PUS7: variants seen among roughly 807,000 people sequenced by gnomAD.
PUS7 encodes pseudouridine synthase 7.
In PUS7, 48 loss-of-function variants were observed where a neutral mutation model predicts 79.8. The observed-to-expected ratio is 0.60, with a 90% CI of 0.48 to 0.76. PUS7 has a LOEUF of 0.76. PUS7 is among the 30% of genes least tolerant of loss of function. PUS7 has a pLI of 0.00. For missense variants in PUS7, 729 were observed against 797.6 expected (o/e 0.91, Z 1.04); for synonymous variants, 286 against 272.2 (o/e 1.05, Z -0.50).
chr7:105,518,615 G>A (rs1169198413), intron 1 of PUS7, among the ~76,000 whole-genome samples: 1 of 152,048 alleles, frequency 6.6e-6, no homozygotes, highest in Non-Finnish European at 1.5e-5. Context: ...TTGCCCACTA[G>A]TCTCAAACTC....
chr7:105,511,013 T>C (rs569137042), intron 1 of PUS7, among the ~76,000 whole-genome samples: 6 of 151,758 alleles, frequency 4.0e-5, no homozygotes, highest in Non-Finnish European at 5.9e-5. Context: ...AAAATAATAA[T>C]GATGATTAAC....
At position 105,502,548 on chromosome 7, in the gene PUS7, T is replaced by C. The variant is rs1024573362; in HGVS notation, c.602A>G (p.Lys201Arg). 1.2e-6 allele frequency: 2 copies of C among 1,614,132 alleles called. No individual in the cohort carries two copies. Among genetic ancestry groups the C allele is most frequent in the Non-Finnish European group, 8.5e-7 (1 of 1,180,000 alleles). Residue 201 changes from lysine (K) to arginine (R), a missense_variant, in exon 5 of 16, where the codon AAA becomes AGA. Coordinates refer to ENST00000469408, the MANE Select transcript of PUS7 (RefSeq NM_019042.5). ...SVAIEVIEDT[K>R]EKRTIIHQAI... ...CTGATGGATGATGGTTCTTTTCTCT[T>C]TGGTGTCCTCGATAACCTATTAAAA...
intron 9 of PUS7, among the ~76,000 whole-genome samples, chr7:105,472,916 G>A (rs1010381345): frequency 5.8e-5 from 8 of 138,410 alleles, no homozygotes; most frequent in Admixed American, 5.1e-4. Context: ...ACCTTGCCCA[G>A]CTACTTTTTT....
chr7:105,518,022 C>T (rs1825960429), intron 1 of PUS7, among the ~76,000 whole-genome samples: 1 of 152,006 alleles, frequency 6.6e-6, no homozygotes. Context: ...GTGGTGTGGC[C>T]CTGTAATCCC....
rs563887898 is a variant in PUS7, at chr7:105,514,538, A to G, written c.-32-5994T>C. ...AGAATGGCGTGAACCCGGGAGGCCG[A>G]GCTTGCAGTGAGCCGAGATCGCGCC... On this transcript the variant is annotated intron_variant, in intron 1 of 15. Transcript: ENST00000469408. 2.1e-3 allele frequency among the ~76,000 whole-genome samples: 324 copies of G among 151,532 alleles called. 7 individuals carry two copies. The highest frequency in any genetic ancestry group is 0.021 in the Admixed American group (318 of 15,168).
chr7:105,521,166 T>C (rs1308046323), intron 1 of PUS7, among the ~76,000 whole-genome samples: 1 of 150,224 alleles, frequency 6.7e-6, no homozygotes, highest in African/African-American at 2.4e-5. Context: ...GACAGATCCC[T>C]CAATAGTCGA....
chr7:105,508,729 A>G (rs1706888), intron 1 of PUS7, among the ~76,000 whole-genome samples, 185 bp from the exon 2 acceptor site: 49,755 of 150,970 alleles, frequency 0.33, 9,319 homozygotes, highest in African/African-American at 0.51. Context: ...AATATTAGTT[A>G]GGCGTGGGTG....
rs758457924 is a variant in PUS7 at position 105,462,720 on chromosome 7, G to A, written c.1658C>T (p.Ala553Val). Residue 553 changes from alanine to valine, a missense_variant, in exon 14 of 16, where the codon GCT becomes GTT. Physicochemically the swap from Ala to Val is moderately conservative, Grantham distance 64 (BLOSUM62 0). Transcript: ENST00000469408. ...IQEAYREMLT[A>V]DNLDIDNMRH... ...CATGTTGTCAATATCAAGATTGTCA[G>A]CTGTGAGCATTTCCCTGTAGGCTTC... The A allele has an allele frequency of 6.2e-7, 1 of 1,613,388 alleles. No homozygotes were observed. Among genetic ancestry groups the A allele is most frequent in the African/African-American group, 1.3e-5 (1 of 74,926 alleles).
chr7:105,472,355 T>C (rs1157353111), intron 9 of PUS7, among the ~76,000 whole-genome samples, 162 bp from the exon 10 acceptor site: 1 of 152,154 alleles, frequency 6.6e-6, no homozygotes, highest in Non-Finnish European at 1.5e-5. Context: ...CCACCTCAGC[T>C]TTCCCACCAT....
chr7:105,496,892 A>T, intron 5 of PUS7: 1 of 1,111,108 alleles, frequency 9.0e-7, no homozygotes, highest in Non-Finnish European at 1.1e-6. Flanking sequence ...GTCTATACTT[A>T]GCACTTGTGA....
intron 11 of PUS7, 60 bp from the exon 12 acceptor site, chr7:105,468,523 T>A (rs1342152303): frequency 1.3e-5 from 6 of 465,372 alleles, no homozygotes; most frequent in Non-Finnish European, 1.9e-5. Flanking sequence ...AGTGCTGTAC[T>A]TTTTTTTTTT....
intron 6 of PUS7, among the ~76,000 whole-genome samples, chr7:105,493,560 C>T (rs979638470): frequency 6.6e-6 from 1 of 152,180 alleles, no homozygotes; most frequent in Non-Finnish European, 1.5e-5. Flanking sequence ...TATGTTGAAG[C>T]TCTGACCCCC....
rs753112000 is a variant in PUS7, at chr7:105,462,640, G to A, written c.1738C>T (p.Arg580Cys). Residue 580 changes from arginine (R) to cysteine (C), a missense_variant, in exon 14 of 16, where the codon CGT becomes TGT. Transcript: ENST00000469408. ...ACTCACCAGCTAACATTCTGAGGAC[G>A]AATAATGATCTTTCGGTAGGCCCCT... ...LSGAYRKIII[R>C]PQNVSWEVVA... 6.8e-6 allele frequency: 11 copies of A among 1,613,658 alleles called. No individual in the cohort carries two copies. Among genetic ancestry groups the A allele is most frequent in the South Asian group, 4.4e-5 (4 of 91,010 alleles).
intron 1 of PUS7, among the ~76,000 whole-genome samples, chr7:105,519,740 A>G (rs1018584003): frequency 6.6e-6 from 1 of 152,214 alleles, no homozygotes; most frequent in African/African-American, 2.4e-5. Flanking sequence ...ATCTCAGGAC[A>G]TGCGAGCTCC....
At chr7:105,508,839 T>G (rs2133258670) in intron 1 of PUS7, among the ~76,000 whole-genome samples, 1 of 116,162 alleles carries the variant, frequency 8.6e-6, no homozygotes, top group Non-Finnish European at 1.6e-5. Context: ...GCCACTGCAC[T>G]CCAGCCTGGG....
intron 11 of PUS7, among the ~76,000 whole-genome samples, chr7:105,469,709 G>A (rs1156298385): frequency 6.6e-6 from 1 of 152,004 alleles, no homozygotes; most frequent in African/African-American, 2.4e-5. Context: ...ATCCACCTGC[G>A]TTGGCCTCCC....
At chr7:105,490,640 T>C (rs908994983) in intron 7 of PUS7, among the ~76,000 whole-genome samples, 1 of 152,160 alleles carries the variant, frequency 6.6e-6, no homozygotes, top group East Asian at 1.9e-4. Flanking sequence ...AACTCCTAGA[T>C]CCTTATTTCT....
Position 105,481,048 on chromosome 7 carries a change from C to T in PUS7, c.1175+4G>A. On this transcript the variant is annotated splice_donor_region_variant and intron_variant, in intron 9 of 15. Transcript: ENST00000469408. Reference sequence around the variant, plus strand: ...ATTTTTGATAAAAGAAATTAAATACCAACCTTCCAACCTGATACGTAGGGA... The same window carrying T: ...ATTTTTGATAAAAGAAATTAAATACTAACCTTCCAACCTGATACGTAGGGA... 6.3e-7 allele frequency: 1 copy of T among 1,599,192 alleles called. No homozygotes were observed. The highest frequency in any genetic ancestry group is 8.5e-7 in the Non-Finnish European group (1 of 1,174,588).
At chr7:105,513,055 T>G (rs920676429) in intron 1 of PUS7, among the ~76,000 whole-genome samples, 1 of 152,144 alleles carries the variant, frequency 6.6e-6, no homozygotes, top group African/African-American at 2.4e-5. Flanking sequence ...TGGAAGAAGA[T>G]GAGCCCACCC....
Sources: gnomAD v4.1 joint callset for allele counts (sites outside exome capture counted in the v4.1 genomes callset) on GRCh38, gnomAD v4.1.1 for gene constraint, MANE v1.5 for transcripts, NCBI Gene and HGNC (gene_info 2026-07-23, HGNC 2026-07-21) for gene names.